UBE2G1: variants seen among roughly 807,000 people sequenced by gnomAD.
The protein encoded by UBE2G1 is ubiquitin-conjugating enzyme E2 G1.
In UBE2G1, 5 loss-of-function variants were observed where a neutral mutation model predicts 22.7. The ratio of observed to expected loss-of-function variants is 0.22; its 90% CI spans 0.12 to 0.46. The LOEUF is 0.46. Among genes scored for constraint, UBE2G1 ranks in the 20% least tolerant of loss-of-function variants. The pLI is 0.99. For missense variants in UBE2G1, 88 were observed against 203.9 expected, an observed-to-expected ratio of 0.43 and a Z score of 3.46; for synonymous variants, 74 against 67.5, an observed-to-expected ratio of 1.10 and a Z score of -0.47.
chr17:4,353,231 A>T lies in UBE2G1; in HGVS notation c.46+13040T>A, dbSNP rs1036627055. ...AGACTCCATCTCGAAAACAACAACA[A>T]CAACAACAAAAACTTTGAAAGAAAA... On this transcript the variant is annotated intron_variant, in intron 1 of 5. Coordinates refer to ENST00000396981, the MANE Select transcript of UBE2G1 (RefSeq NM_003342.5). Among the ~76,000 whole-genome samples, 5 of 152,016 alleles carry T rather than the reference A, an allele frequency of 3.3e-5. No individual in the cohort carries two copies. In the South Asian group the frequency reaches 6.2e-4, roughly 19 times the overall value.
At chr17:4,354,949 G>A (rs1279533588) in intron 1 of UBE2G1, among the ~76,000 whole-genome samples, 1 of 151,910 alleles carries the variant, frequency 6.6e-6, no homozygotes, top group Non-Finnish European at 1.5e-5. Flanking sequence ...GGAAAAATTA[G>A]CCAGGTGTGG....
At chr17:4,324,413 T>C (rs1396800205) in intron 1 of UBE2G1, among the ~76,000 whole-genome samples, 1 of 152,200 alleles carries the variant, frequency 6.6e-6, no homozygotes, top group Non-Finnish European at 1.5e-5. Context: ...TTGGGTATAT[T>C]GAGTTAAATG....
chr17:4,346,503 C>T (rs1326632085), intron 1 of UBE2G1, among the ~76,000 whole-genome samples: 8 of 147,676 alleles, frequency 5.4e-5, no homozygotes, highest in African/African-American at 1.8e-4. Context: ...GGCGCGATCT[C>T]GGCTCACTGC....
At chr17:4,310,430 A>AG (rs777647241) in intron 1 of UBE2G1, among the ~76,000 whole-genome samples, 3 of 152,232 alleles carry the variant, frequency 2.0e-5, no homozygotes, top group Non-Finnish European at 4.4e-5. Context: ...AAAGAAATAA[A>AG]GGATTTGGGT....
At chr17:4,362,159 A>G (rs1969976397) in intron 1 of UBE2G1, among the ~76,000 whole-genome samples, 1 of 152,194 alleles carries the variant, frequency 6.6e-6, no homozygotes, top group African/African-American at 2.4e-5. Flanking sequence ...AACATAAGGC[A>G]CTGCAAAACT....
chr17:4,280,182 T>C (rs933575594), intron 5 of UBE2G1, among the ~76,000 whole-genome samples: 14 of 150,654 alleles, frequency 9.3e-5, no homozygotes, highest in African/African-American at 3.4e-4. Flanking sequence ...ATTACAGGTG[T>C]GCACCACTGC....
chr17:4,346,669 C>T (rs1365055655), intron 1 of UBE2G1, among the ~76,000 whole-genome samples: 5 of 150,820 alleles, frequency 3.3e-5, no homozygotes, highest in Admixed American at 2.6e-4. Context: ...CTCCTGACCT[C>T]GTGATCCACC....
In UBE2G1 at chr17:4,291,508, G is replaced by A. The variant is rs546696587; in HGVS notation, c.248-2100C>T. 4.6e-5 allele frequency among the ~76,000 whole-genome samples: 7 copies of A among 151,940 alleles called. No homozygotes were observed. In the South Asian group the frequency reaches 1.2e-3, roughly 27 times the overall value. The stretch of plus-strand genomic sequence containing the variant: ...CCAAGTCATTTTTCTTTAAAAACAT[G>A]CTATTAAATATGTGTACAGAATTCT... On this transcript the variant is annotated intron_variant, in intron 3 of 5. Coordinates refer to ENST00000396981, the MANE Select transcript of UBE2G1 (RefSeq NM_003342.5).
At chr17:4,292,550 G>A (rs1350953050) in intron 3 of UBE2G1, among the ~76,000 whole-genome samples, 2 of 152,176 alleles carry the variant, frequency 1.3e-5, no homozygotes, top group African/African-American at 4.8e-5. Flanking sequence ...GGTCTGGATA[G>A]CATATTTATT....
chr17:4,358,310 T>C (rs903726425), intron 1 of UBE2G1, among the ~76,000 whole-genome samples: 2 of 152,168 alleles, frequency 1.3e-5, no homozygotes, highest in African/African-American at 4.8e-5. Flanking sequence ...TGGCCCAGGC[T>C]GGAGTGTAGC....
In UBE2G1 at chr17:4,330,905, T is replaced by C. The variant is rs563596848; in HGVS notation, c.47-23782A>G. Among the ~76,000 whole-genome samples the C allele has an allele frequency of 2.0e-5, 3 of 149,536 alleles. No homozygotes were observed. In the South Asian group the frequency reaches 6.3e-4, roughly 31 times the overall value. ...AGCCACTGTGCCCTGGCCAGAAAAA[T>C]AAAATTTCTAAATGCCAAAATAGCC... On this transcript the variant is annotated intron_variant, in intron 1 of 5. Coordinates refer to ENST00000396981, the MANE Select transcript of UBE2G1 (RefSeq NM_003342.5).
chr17:4,343,171 A>G (rs1969730310), intron 1 of UBE2G1, among the ~76,000 whole-genome samples: 1 of 152,238 alleles, frequency 6.6e-6, no homozygotes, highest in South Asian at 2.1e-4. Flanking sequence ...AGGCACTCAA[A>G]TATTTGTTAA....
intron 1 of UBE2G1, among the ~76,000 whole-genome samples, chr17:4,312,046 G>A (rs1311709960): frequency 2.6e-5 from 4 of 151,588 alleles, no homozygotes; most frequent in Non-Finnish European, 4.4e-5. Context: ...GAGGGAGTTC[G>A]AGACCAGCCT....
At chr17:4,333,940 C>CCCTG (rs1969614166) in intron 1 of UBE2G1, among the ~76,000 whole-genome samples, 1 of 152,104 alleles carries the variant, frequency 6.6e-6, no homozygotes, top group Non-Finnish European at 1.5e-5. Flanking sequence ...GAATGAAGAC[C>CCCTG]AGGGGGCTTA....
intron 1 of UBE2G1, among the ~76,000 whole-genome samples, chr17:4,308,649 G>A (rs192356539): frequency 8.5e-5 from 13 of 152,286 alleles, no homozygotes; most frequent in Non-Finnish European, 7.3e-5. Flanking sequence ...ACATTTTACC[G>A]GCCAGTGGAA....
At chr17:4,334,322 C>CAA (rs1461329656) in intron 1 of UBE2G1, among the ~76,000 whole-genome samples, 67 of 151,554 alleles carry the variant, frequency 4.4e-4, no homozygotes. Context: ...CCCTCATAAA[C>CAA]AAAAAAACAC....
In UBE2G1 at chr17:4,269,933, G is replaced by C. The variant is rs1283317354; in HGVS notation, c.*2621C>G. ...CCTCGTTCAGTGTCACCTGAATGTG[G>C]GTTTCGTATCAAATGTAGAGGCATT... On this transcript the variant is annotated 3_prime_UTR_variant, in exon 6 of 6. Transcript: ENST00000396981. 1.3e-5 allele frequency: 2 copies of C among 152,898 alleles called. No homozygotes were observed. Among genetic ancestry groups the C allele is most frequent in the Non-Finnish European group, 2.9e-5 (2 of 68,180 alleles). 9.5% of individuals were successfully genotyped at this position (152,898 alleles called of 1,614,324 possible).
intron 5 of UBE2G1, among the ~76,000 whole-genome samples, chr17:4,272,720 T>C (rs1968775511): frequency 6.6e-6 from 1 of 152,172 alleles, no homozygotes; most frequent in Non-Finnish European, 1.5e-5. Flanking sequence ...TTAAGTACAA[T>C]TTACAATTTA....
At chr17:4,338,653 C>T (rs1179323406) in intron 1 of UBE2G1, among the ~76,000 whole-genome samples, 2 of 152,182 alleles carry the variant, frequency 1.3e-5, no homozygotes. Context: ...TAATAGCAAA[C>T]TCTGTATTAT....
Sources: gnomAD v4.1 joint callset for allele counts (sites outside exome capture counted in the v4.1 genomes callset) on GRCh38, gnomAD v4.1.1 for gene constraint, MANE v1.5 for transcripts, NCBI Gene and HGNC (gene_info 2026-07-23, HGNC 2026-07-21) for gene names.